The following ARHGAP15 variants were observed in gnomAD, a reference collection of about 807,000 sequenced individuals.
ARHGAP15 encodes the protein Rho GTPase activating protein 15.
Under a neutral mutation model 63.7 loss-of-function variants are expected in ARHGAP15, and 51 were observed. The ratio of observed to expected loss-of-function variants is 0.80; its 90% confidence interval spans 0.64 to 1.01. The LOEUF (loss-of-function observed/expected upper bound fraction) is 1.01, where lower values mean the gene tolerates loss of function less well. ARHGAP15 is among the 50% of genes least tolerant of loss of function. ARHGAP15 has a pLI of 0.00. For synonymous variants in ARHGAP15, 191 were observed against 193.8 expected, an observed-to-expected ratio of 0.99 and a Z score of 0.12; for missense variants, 560 against 564.6, an observed-to-expected ratio of 0.99 and a Z score of 0.08.
chr2:143,502,273 G>T (rs1479771690), intron 9 of ARHGAP15, among the ~76,000 whole-genome samples: 1 of 151,982 alleles, frequency 6.6e-6, no homozygotes, highest in Non-Finnish European at 1.5e-5. Context: ...GCTGAGTGTG[G>T]TGGCAGGTGC....
At chr2:143,695,761 G>A (rs1342994383) in intron 12 of ARHGAP15, among the ~76,000 whole-genome samples, 1 of 151,948 alleles carries the variant, frequency 6.6e-6, no homozygotes, top group Non-Finnish European at 1.5e-5. Context: ...CCAGCTACTT[G>A]GGAGGCTGAG....
chr2:143,488,453 A>C (rs546729554), intron 9 of ARHGAP15, among the ~76,000 whole-genome samples: 1 of 152,356 alleles, frequency 6.6e-6, no homozygotes, highest in African/African-American at 2.4e-5. Flanking sequence ...TTTTAAAAAC[A>C]AGAAAACATG....
intron 11 of ARHGAP15, among the ~76,000 whole-genome samples, chr2:143,566,517 C>A (rs1047428378): frequency 6.6e-6 from 1 of 152,030 alleles, no homozygotes. Flanking sequence ...GTGATGGGTT[C>A]AATGTGAATT....
chr2:143,461,230 C>T (rs1421738430), intron 8 of ARHGAP15, among the ~76,000 whole-genome samples: 1 of 126,562 alleles, frequency 7.9e-6, no homozygotes. Context: ...ACAGAAGTTG[C>T]AGTCGCACCA....
chr2:143,733,282 G>A (rs1203779325), intron 13 of ARHGAP15, among the ~76,000 whole-genome samples: 3 of 152,174 alleles, frequency 2.0e-5, no homozygotes, highest in East Asian at 3.8e-4. Context: ...AAGAATCTGA[G>A]TTGAGCCCTT....
At chr2:143,253,896 A>G (rs562967321) in intron 6 of ARHGAP15, among the ~76,000 whole-genome samples, 1 of 152,196 alleles carries the variant, frequency 6.6e-6, no homozygotes, top group Non-Finnish European at 1.5e-5. Flanking sequence ...AGATCATACA[A>G]ATTCTAAGTT....
chr2:143,730,274 T>G (rs1350880183), intron 13 of ARHGAP15, among the ~76,000 whole-genome samples: 1 of 152,206 alleles, frequency 6.6e-6, no homozygotes, highest in East Asian at 1.9e-4. Flanking sequence ...TCTACTGTTC[T>G]TCATTGTCCC....
chr2:143,743,107 A>C (rs1414268816), intron 13 of ARHGAP15, among the ~76,000 whole-genome samples: 1 of 152,176 alleles, frequency 6.6e-6, no homozygotes, highest in Non-Finnish European at 1.5e-5. Context: ...AAACCAAACA[A>C]ACTGAAGAGG....
chr2:143,497,269 T>C (rs1574533188), intron 9 of ARHGAP15, among the ~76,000 whole-genome samples: 1 of 152,162 alleles, frequency 6.6e-6, no homozygotes, highest in Admixed American at 6.5e-5. Context: ...CTCAACTAGT[T>C]GGAGACAACC....
chr2:143,713,980 G>A (rs922364172), intron 13 of ARHGAP15, among the ~76,000 whole-genome samples: 2 of 152,108 alleles, frequency 1.3e-5, no homozygotes, highest in East Asian at 1.9e-4. Flanking sequence ...ACCATTCTGG[G>A]GTCTGGAGGA....
chr2:143,346,003 AT>A (rs992824107), intron 6 of ARHGAP15, among the ~76,000 whole-genome samples: 10 of 151,938 alleles, frequency 6.6e-5, no homozygotes, highest in African/African-American at 2.4e-4. Context: ...ACTTGTGCAT[AT>A]TTTTTTGAGT....
intron 8 of ARHGAP15, among the ~76,000 whole-genome samples, chr2:143,440,019 G>T (rs573060306): frequency 3.3e-5 from 5 of 151,886 alleles, no homozygotes; most frequent in African/African-American, 1.2e-4. Context: ...CTGTATCTTG[G>T]TGAGTATGTA....
At chr2:143,742,038 T>C (rs1205868121) in intron 13 of ARHGAP15, among the ~76,000 whole-genome samples, 1 of 152,230 alleles carries the variant, frequency 6.6e-6, no homozygotes, top group Non-Finnish European at 1.5e-5. Context: ...TTATCAGTTA[T>C]CAGGAAGATT....
rs780830503 is a variant in ARHGAP15 at position 143,616,762 on chromosome 2, C to T, written c.1004-7371C>T. ...TTTTCAAACATAGGACTCCTAAGAG[C>T]TTCCTGGGGGTTACTGTGATAAATC... is the stretch of plus-strand genomic sequence containing the variant. On this transcript the variant is annotated intron_variant, in intron 11 of 13. Coordinates refer to ENST00000295095, the MANE Select transcript of ARHGAP15 (RefSeq NM_018460.4). Among the ~76,000 whole-genome samples, 14 of 152,286 alleles carry T rather than the reference C, an allele frequency of 9.2e-5. 1 individual carries two copies. The South Asian group carries it at 1.9e-3, about 20-fold the overall frequency.
rs35757623 is a variant in ARHGAP15, at chr2:143,308,935, C to CAA, written c.474+58355_474+58356dup. Among the ~76,000 whole-genome samples the CAA allele has an allele frequency of 7.7e-3, 818 of 106,482 alleles. 1 individual carries two copies. The highest frequency in any genetic ancestry group is 9.6e-3 in the Non-Finnish European group (504 of 52,376). 69.9% of individuals were successfully genotyped at this position (106,482 alleles called of 152,430 possible). On this transcript the variant is annotated intron_variant, in intron 6 of 13. Coordinates refer to ENST00000295095, the MANE Select transcript of ARHGAP15 (RefSeq NM_018460.4). ...ATTTGGTATTGACCTTCCTGGCAGC[C>CAA]AAAAAAAAAAAAAAAAAAAAAGGAA...
chr2:143,601,140 T>C (rs954417128), intron 11 of ARHGAP15, among the ~76,000 whole-genome samples: 1 of 152,136 alleles, frequency 6.6e-6, no homozygotes, highest in Non-Finnish European at 1.5e-5. Context: ...ACTGCTGAGT[T>C]TGAAGGAAAC....
intron 8 of ARHGAP15, among the ~76,000 whole-genome samples, chr2:143,451,071 T>A (rs1690384376): frequency 6.6e-6 from 1 of 151,968 alleles, no homozygotes; most frequent in African/African-American, 2.4e-5. Context: ...TTTTGTTCTC[T>A]GAGGTATAAA....
chr2:143,635,187 T>C, intron 12 of ARHGAP15, among the ~76,000 whole-genome samples: 1 of 132,088 alleles, frequency 7.6e-6, no homozygotes, highest in Non-Finnish European at 1.6e-5. Flanking sequence ...TATTAACCTC[T>C]CAGGAGCTTT....
intron 11 of ARHGAP15, among the ~76,000 whole-genome samples, chr2:143,618,458 G>T (rs2105230970): frequency 6.6e-6 from 1 of 152,304 alleles, no homozygotes; most frequent in Non-Finnish European, 1.5e-5. Flanking sequence ...CTTTATGAGA[G>T]TTTCATAGTG....
Sources: gnomAD v4.1 joint callset for allele counts (sites outside exome capture counted in the v4.1 genomes callset) on GRCh38, gnomAD v4.1.1 for gene constraint, MANE v1.5 for transcripts, NCBI Gene and HGNC (gene_info 2026-07-23, HGNC 2026-07-21) for gene names.